Variants in LRRC4C observed in about 807,000 individuals in gnomAD.
The protein encoded by LRRC4C is leucine rich repeat containing 4C.
Under a neutral mutation model 33.6 loss-of-function variants are expected in LRRC4C, and 5 were observed. That is an observed-to-expected ratio of 0.15 (90% confidence interval 0.08 to 0.31). The LOEUF is 0.31. Among genes scored for constraint, LRRC4C ranks in the 10% least tolerant of loss-of-function variants. The probability of loss-of-function intolerance (pLI) is 1.00; values close to 1 mark genes in which losing one functional copy is unlikely to be tolerated. For synonymous variants in LRRC4C, 329 were observed against 302.0 expected (o/e 1.09, Z -0.93); for missense variants, 560 against 796.7 (o/e 0.70, Z 3.58).
At chr11:40,888,934 T>A (rs1294435926) in intron 2 of LRRC4C, among the ~76,000 whole-genome samples, 1 of 151,980 alleles carries the variant, frequency 6.6e-6, no homozygotes, top group East Asian at 1.9e-4. Context: ...ACATTAAATA[T>A]CGTTATTTAA....
intron 3 of LRRC4C, among the ~76,000 whole-genome samples, chr11:40,601,340 T>A (rs2135808772): frequency 6.6e-6 from 1 of 152,344 alleles, no homozygotes; most frequent in South Asian, 2.1e-4. Flanking sequence ...TCCTTCTTCA[T>A]GGCCATGAGA....
chr11:40,676,776 A>G (rs1426602987), intron 2 of LRRC4C, among the ~76,000 whole-genome samples: 3 of 152,184 alleles, frequency 2.0e-5, no homozygotes, highest in Non-Finnish European at 4.4e-5. Context: ...GCTACAAGCA[A>G]ATAGGCCAAA....
chr11:41,192,635 A>G (rs1344378264), intron 1 of LRRC4C, among the ~76,000 whole-genome samples: 1 of 152,062 alleles, frequency 6.6e-6, no homozygotes. Flanking sequence ...TTTGAAAAAT[A>G]CCTGTATATC....
At chr11:41,278,859 T>C (rs1301347964) in intron 1 of LRRC4C, among the ~76,000 whole-genome samples, 1 of 152,172 alleles carries the variant, frequency 6.6e-6, no homozygotes, top group Admixed American at 6.6e-5. Context: ...GAGAAGTACA[T>C]GTGAAAGTTT....
At chr11:40,559,422 T>G (rs1190038645) in intron 3 of LRRC4C, among the ~76,000 whole-genome samples, 1 of 152,108 alleles carries the variant, frequency 6.6e-6, no homozygotes, top group African/African-American at 2.4e-5. Flanking sequence ...TGTACTCAGG[T>G]GATCAAGCTG....
At chr11:41,065,814 G>A (rs775800186) in intron 1 of LRRC4C, among the ~76,000 whole-genome samples, 16 of 152,152 alleles carry the variant, frequency 1.1e-4, no homozygotes, top group Non-Finnish European at 2.2e-4. Context: ...CAGACGTGCC[G>A]AAGAGGGGCC....
intron 1 of LRRC4C, among the ~76,000 whole-genome samples, chr11:41,338,890 A>AT (rs1951542511): frequency 6.6e-6 from 1 of 151,990 alleles, no homozygotes; most frequent in Non-Finnish European, 1.5e-5. Context: ...ATAGATTCAG[A>AT]TTTTTTTCTG....
chr11:41,140,838 A>G (rs1472737289), intron 1 of LRRC4C, among the ~76,000 whole-genome samples: 2 of 146,050 alleles, frequency 1.4e-5, no homozygotes, highest in Non-Finnish European at 3.1e-5. Flanking sequence ...CTCTTTTTAC[A>G]TAAGTAAAAA....
At chr11:41,344,925 C>T (rs1365196711) in intron 1 of LRRC4C, among the ~76,000 whole-genome samples, 2 of 152,118 alleles carry the variant, frequency 1.3e-5, no homozygotes, top group East Asian at 1.9e-4. Flanking sequence ...CTCTGATAGT[C>T]GTTGCATTGG....
intron 3 of LRRC4C, among the ~76,000 whole-genome samples, chr11:40,590,615 A>T (rs1024616946): frequency 6.6e-6 from 1 of 151,642 alleles, no homozygotes; most frequent in Non-Finnish European, 1.5e-5. Context: ...GGTTTTATCT[A>T]CTTTTGGTCT....
chr11:40,129,162 C>A (rs76310593), intron 6 of LRRC4C, among the ~76,000 whole-genome samples: 7 of 152,094 alleles, frequency 4.6e-5, no homozygotes, highest in African/African-American at 1.7e-4. Flanking sequence ...AGGCTGTAAA[C>A]GCACTAAGGA....
At chr11:41,387,239 A>T (rs1169541155) in intron 1 of LRRC4C, among the ~76,000 whole-genome samples, 1 of 151,700 alleles carries the variant, frequency 6.6e-6, no homozygotes, top group East Asian at 1.9e-4. Flanking sequence ...TATAATCCTC[A>T]TATTATTTTA....
At chr11:41,377,972 T>C (rs1358126020) in intron 1 of LRRC4C, among the ~76,000 whole-genome samples, 2 of 152,170 alleles carry the variant, frequency 1.3e-5, no homozygotes, top group African/African-American at 4.8e-5. Context: ...TAATCCGGGT[T>C]AATATTGAGG....
intron 2 of LRRC4C, among the ~76,000 whole-genome samples, chr11:40,748,808 G>A (rs4500476): frequency 0.77 from 117,308 of 151,992 alleles, 45,420 homozygotes; most frequent in Middle Eastern, 0.85. Flanking sequence ...GCAAATGAAA[G>A]TCAATTGCCA....
intron 1 of LRRC4C, among the ~76,000 whole-genome samples, chr11:41,223,545 A>G (rs1404276188): frequency 6.6e-6 from 1 of 152,196 alleles, no homozygotes; most frequent in African/African-American, 2.4e-5. Flanking sequence ...ATAAGATATA[A>G]TCAGGTCAAT....
intron 1 of LRRC4C, among the ~76,000 whole-genome samples, chr11:41,034,338 C>T (rs1856902970): frequency 6.6e-6 from 1 of 151,114 alleles, no homozygotes; most frequent in Admixed American, 6.6e-5. Flanking sequence ...ACTTTCTAGC[C>T]TCCAAAACTG....
chr11:40,884,745 T>G (rs977791427), intron 2 of LRRC4C, among the ~76,000 whole-genome samples: 39 of 152,258 alleles, frequency 2.6e-4, no homozygotes, highest in African/African-American at 8.9e-4. Flanking sequence ...TATACAATAC[T>G]TCGCAATTTT....
At chr11:40,491,007 G>A (rs72899010) in intron 3 of LRRC4C, among the ~76,000 whole-genome samples, 19,339 of 152,000 alleles carry the variant, frequency 0.13, 1,392 homozygotes, top group African/African-American at 0.17. Context: ...GTATAGGCAG[G>A]GCACATTGGC....
At chr11:40,857,746 C>T (rs1307832092) in intron 2 of LRRC4C, among the ~76,000 whole-genome samples, 1 of 151,956 alleles carries the variant, frequency 6.6e-6, no homozygotes, top group Non-Finnish European at 1.5e-5. Context: ...AAATCCCTGT[C>T]TTTACAAGAA....
Sources: gnomAD v4.1 joint callset for allele counts (sites outside exome capture counted in the v4.1 genomes callset) on GRCh38, gnomAD v4.1.1 for gene constraint, MANE v1.5 for transcripts, NCBI Gene and HGNC (gene_info 2026-07-23, HGNC 2026-07-21) for gene names.